The following LIN28A variants were observed in gnomAD, a reference collection of about 807,000 sequenced individuals.
LIN28A encodes lin-28 RNA binding posttranscriptional regulator A.
In LIN28A, 11 loss-of-function variants were observed where a neutral mutation model predicts 21.1. The observed-to-expected ratio is 0.52, with a 90% CI of 0.33 to 0.86. LIN28A has a LOEUF of 0.86. Ranked by LOEUF, LIN28A falls within the 40% of genes least tolerant of loss-of-function variation. LIN28A has a pLI of 0.03. For synonymous variants in LIN28A, 111 were observed against 108.7 expected (o/e 1.02, Z -0.13); for missense variants, 219 against 279.8 (o/e 0.78, Z 1.55).
At chr1:26,425,178 T>A in intron 2 of LIN28A, 125 bp from the exon 3 acceptor site, 2 of 909,494 alleles carry the variant, frequency 2.2e-6, no homozygotes, top group Non-Finnish European at 3.3e-6. Context: ...TTTGAGTCAG[T>A]TTCCTTACCA....
intron 2 of LIN28A, among the ~76,000 whole-genome samples, chr1:26,413,141 AG>A (rs1369530514): frequency 6.6e-6 from 1 of 152,184 alleles, no homozygotes; most frequent in Non-Finnish European, 1.5e-5. Context: ...CCTCCTCAGC[AG>A]GGTAGCAAGC....
Position 26,411,659 on chromosome 1 carries a change from A to C in LIN28A, c.228+77A>C. The C allele has an allele frequency of 6.9e-7, 1 of 1,448,374 alleles. No individual in the cohort carries two copies. Among genetic ancestry groups the C allele is most frequent in the Non-Finnish European group, 9.5e-7 (1 of 1,052,356 alleles). The allele number at this position is 1,448,374 out of a possible 1,614,324, so 89.7% of individuals were successfully genotyped here. On this transcript the variant is annotated intron_variant, in intron 2 of 3. Coordinates refer to ENST00000326279, the MANE Select transcript of LIN28A (RefSeq NM_024674.6). The surrounding 1 kb of genome is among the most constrained non-coding windows in gnomAD (Gnocchi z 5.4). ...ATCCACGGGTGGGCTCCGGGCTCGC[A>C]GTTGAATTGAGGGCCATCGGGAGCC...
At position 26,429,058 on chromosome 1, in the gene LIN28A, C is replaced by G. The variant is rs1382971967; in HGVS notation, c.*2600C>G. On this transcript the variant is annotated 3_prime_UTR_variant, in exon 4 of 4. Coordinates refer to ENST00000326279, the MANE Select transcript of LIN28A (RefSeq NM_024674.6). ...GTGCATGCCTTTAGTCCTAGCTATT[C>G]AGGAGGCTGAGGCAGGGGAATCGCT... 2 of 153,272 alleles carry G rather than the reference C, an allele frequency of 1.3e-5. No individual in the cohort carries two copies. Among genetic ancestry groups the G allele is most frequent in the Non-Finnish European group, 2.9e-5 (2 of 68,974 alleles). 9.5% of individuals were successfully genotyped at this position (153,272 alleles called of 1,614,324 possible).
At chr1:26,423,765 T>C (rs1369115713) in intron 2 of LIN28A, among the ~76,000 whole-genome samples, 1 of 131,508 alleles carries the variant, frequency 7.6e-6, no homozygotes, top group African/African-American at 3.2e-5. Context: ...TTTTTGTTTG[T>C]TGGTTTGTTT....
chr1:26,418,272 C>A (rs539672177), intron 2 of LIN28A, among the ~76,000 whole-genome samples: 1 of 152,020 alleles, frequency 6.6e-6, no homozygotes, highest in Non-Finnish European at 1.5e-5. Context: ...TTGGGGTGGG[C>A]GCGGTGGCTC....
chr1:26,421,043 G>T (rs763011985), intron 2 of LIN28A, among the ~76,000 whole-genome samples: 5 of 151,676 alleles, frequency 3.3e-5, no homozygotes, highest in Non-Finnish European at 7.4e-5. Flanking sequence ...TTTCTTGATG[G>T]CTGCTGGCTG....
Position 26,425,485 on chromosome 1 carries a change from C to T in LIN28A, c.411C>T (p.Asp137=). The T allele has an allele frequency of 3.1e-6, 5 of 1,613,688 alleles. No individual in the cohort carries two copies. Among genetic ancestry groups the T allele is most frequent in the African/African-American group, 1.3e-5 (1 of 75,020 alleles). ...KSMQKRRSKG[D]RCYNCGGLDH... ...TGCAGAAGCGCAGATCAAAAGGAGA[C>T]AGGTATGGATTGGAAGGCAGCTTAT... The change falls in exon 3 of 4, where the codon GAC becomes GAT. Residue 137 remains aspartate, a splice_region_variant and synonymous_variant. Coordinates refer to ENST00000326279, the MANE Select transcript of LIN28A (RefSeq NM_024674.6).
At chr1:26,424,093 A>G (rs1448430364) in intron 2 of LIN28A, among the ~76,000 whole-genome samples, 1 of 149,870 alleles carries the variant, frequency 6.7e-6, no homozygotes, top group African/African-American at 2.5e-5. Flanking sequence ...AAGGCATATC[A>G]TATTGCTTTG....
chr1:26,415,389 T>C (rs913965888), intron 2 of LIN28A, among the ~76,000 whole-genome samples: 10 of 152,196 alleles, frequency 6.6e-5, no homozygotes, highest in African/African-American at 2.4e-4. Flanking sequence ...TCTTTCCTCC[T>C]GGTTTGTAAC....
intron 2 of LIN28A, among the ~76,000 whole-genome samples, chr1:26,424,060 C>CT (rs996225821): frequency 4.7e-4 from 68 of 143,762 alleles, no homozygotes; most frequent in Middle Eastern, 7.3e-3. Flanking sequence ...CGCACCCGGC[C>CT]TTTTTTTTTT....
Position 26,411,541 on chromosome 1 carries a change from G to A in LIN28A, c.187G>A (p.Gly63Arg). The A allele has an allele frequency of 6.2e-7, 1 of 1,613,828 alleles. No homozygotes were observed. Among genetic ancestry groups the A allele is most frequent in the South Asian group, 1.1e-5 (1 of 91,072 alleles). Reference protein sequence around the residue: ...FGFLSMTARAGVALDPPVDVF... With the variant: ...FGFLSMTARARVALDPPVDVF... The stretch of plus-strand genomic sequence containing the variant: ...CTTCCTGTCCATGACCGCCCGCGCC[G>A]GGGTCGCGCTCGACCCCCCAGTGGA... The change falls in exon 2 of 4, where the codon GGG becomes AGG. Residue 63 changes from glycine (G) to arginine (R), a missense_variant. Transcript: ENST00000326279. This position sits in a 1 kb window ranked among gnomAD's most constrained non-coding sequence, Gnocchi z 5.4.
At position 26,411,383 on chromosome 1, in the gene LIN28A, C is replaced by T. The variant is rs2074957959; in HGVS notation, c.32-3C>T. 6.3e-7 allele frequency: 1 copy of T among 1,587,634 alleles called. No individual in the cohort carries two copies. Among genetic ancestry groups the T allele is most frequent in the Non-Finnish European group, 8.6e-7 (1 of 1,169,434 alleles). ...CTAAGTGCCCGGCCCTCCCTCTCTC[C>T]AGGTGGCTGCGCCAAGGCGGCAGAA... On this transcript the variant is annotated splice_region_variant and splice_polypyrimidine_tract_variant and intron_variant, in intron 1 of 3. Transcript: ENST00000326279. The surrounding 1 kb of genome is among the most constrained non-coding windows in gnomAD (Gnocchi z 5.4).
At chr1:26,421,411 A>G (rs975085097) in intron 2 of LIN28A, among the ~76,000 whole-genome samples, 1 of 152,180 alleles carries the variant, frequency 6.6e-6, no homozygotes, top group Non-Finnish European at 1.5e-5. Flanking sequence ...TAAAGCAACA[A>G]TGAGATACTG....
chr1:26,426,710 G>A lies in LIN28A; in HGVS notation c.*252G>A. The A allele has an allele frequency of 4.5e-6, 2 of 448,192 alleles. No homozygotes were observed. The highest frequency in any genetic ancestry group is 2.5e-5 in the South Asian group (1 of 39,500). 27.8% of individuals were successfully genotyped at this position (448,192 alleles called of 1,614,324 possible). A position where few individuals can be genotyped will look rare whatever the true frequency, so the allele number is the denominator to read the frequency against. ...GGAGGGGGGAATCACCCTACAACCT[G>A]CATACTTTGAGTCTCCATCCCCAGA... On this transcript the variant is annotated 3_prime_UTR_variant, in exon 4 of 4. Coordinates refer to ENST00000326279, the MANE Select transcript of LIN28A (RefSeq NM_024674.6).
intron 2 of LIN28A, among the ~76,000 whole-genome samples, chr1:26,421,082 T>C (rs1324013559): frequency 6.6e-6 from 1 of 152,146 alleles, no homozygotes; most frequent in Non-Finnish European, 1.5e-5. Context: ...AATATCAGTG[T>C]CCTTAAATTT....
chr1:26,423,413 C>CTTTTTTTTTCTT (rs2075038892), intron 2 of LIN28A, among the ~76,000 whole-genome samples: 1 of 78,822 alleles, frequency 1.3e-5, no homozygotes, highest in Non-Finnish European at 2.2e-5. Flanking sequence ...TTTTCTTTTT[C>CTTTTTTTTTCTT]TTTTTTTTTT....
At chr1:26,419,273 G>A (rs752846335) in intron 2 of LIN28A, among the ~76,000 whole-genome samples, 15 of 152,112 alleles carry the variant, frequency 9.9e-5, no homozygotes, top group Non-Finnish European at 2.2e-4. Flanking sequence ...AGGGCAGGGA[G>A]CCACCCCTGG....
chr1:26,418,234 C>T (rs1333723838), intron 2 of LIN28A, among the ~76,000 whole-genome samples: 2 of 151,822 alleles, frequency 1.3e-5, no homozygotes, highest in Non-Finnish European at 1.5e-5. Context: ...GATTCCTTCC[C>T]TGTTATCAAA....
chr1:26,421,844 A>G (rs992480990), intron 2 of LIN28A, among the ~76,000 whole-genome samples: 1 of 152,044 alleles, frequency 6.6e-6, no homozygotes, highest in Non-Finnish European at 1.5e-5. Context: ...ACACTCCCAC[A>G]TAACCTCTAC....
Sources: gnomAD v4.1 joint callset for allele counts (sites outside exome capture counted in the v4.1 genomes callset) on GRCh38, gnomAD v4.1.1 for gene constraint, Gnocchi (gnomAD v3.1) non-coding constraint, MANE v1.5 for transcripts, NCBI Gene and HGNC (gene_info 2026-07-23, HGNC 2026-07-21) for gene names.